Variants in OVOL1 observed in about 807,000 individuals in gnomAD.
The protein encoded by OVOL1 is putative transcription factor Ovo-like 1.
In OVOL1, 10 loss-of-function variants were observed where a neutral mutation model predicts 21.5. That is an observed-to-expected ratio of 0.46 (90% CI 0.29 to 0.79). The LOEUF (loss-of-function observed/expected upper bound fraction) is 0.79, where lower values mean the gene tolerates loss of function less well. Ranked by LOEUF, OVOL1 falls within the 30% of genes least tolerant of loss-of-function variation. OVOL1 has a pLI of 0.10. For synonymous variants in OVOL1, 129 were observed against 150.3 expected (o/e 0.86, Z 1.03); for missense variants, 279 against 362.3 (o/e 0.77, Z 1.87).
rs1275555782 is a variant in OVOL1, at chr11:65,787,336, T to TA, written c.-37dup. 2.0e-6 allele frequency: 3 copies of TA among 1,515,340 alleles called. No individual in the cohort carries two copies. The highest frequency in any genetic ancestry group is 2.7e-6 in the Non-Finnish European group (3 of 1,117,894). 93.9% of individuals were successfully genotyped at this position (1,515,340 alleles called of 1,614,324 possible). On this transcript the variant is annotated 5_prime_UTR_variant, in exon 1 of 4. Transcript: ENST00000335987. ...AGGTGGGACGGCTCCCGGCTTCAGTTACGGAAGCGGCCCGTGTCCAGCGAC... is the reference window on the plus strand; with the variant it reads ...AGGTGGGACGGCTCCCGGCTTCAGTTAACGGAAGCGGCCCGTGTCCAGCGAC...
intron 1 of OVOL1, chr11:65,788,510 A>G: frequency 1.0e-6 from 1 of 985,140 alleles, no homozygotes; most frequent in South Asian, 4.7e-5. Flanking sequence ...ACTGACTTTG[A>G]CCCTTGATCT....
chr11:65,794,762 G>A (rs760043484), intron 3 of OVOL1, 35 bp downstream of exon 3: 66 of 1,595,614 alleles, frequency 4.1e-5, no homozygotes, highest in African/African-American at 4.0e-4. Flanking sequence ...GGAGCACGCC[G>A]GATCCGCCTG....
chr11:65,793,915 C>A, intron 1 of OVOL1, 116 bp from the exon 2 acceptor site: 1 of 755,072 alleles, frequency 1.3e-6, no homozygotes. Context: ...TGCATGCCTG[C>A]GATGGGAGGG....
chr11:65,795,893 T>C lies in OVOL1; in HGVS notation c.*552T>C, dbSNP rs1858122832. On this transcript the variant is annotated 3_prime_UTR_variant, in exon 4 of 4. Coordinates refer to ENST00000335987, the MANE Select transcript of OVOL1 (RefSeq NM_004561.4). This position sits in a 1 kb window ranked among gnomAD's most constrained non-coding sequence, Gnocchi z 5.7. ...TCCTTCCGGCAAGGAGAGGCACACATGTGTGCCCAGCCGTGTGTGTGCGTG... is the reference window on the plus strand; with the variant it reads ...TCCTTCCGGCAAGGAGAGGCACACACGTGTGCCCAGCCGTGTGTGTGCGTG... 1.1e-5 allele frequency: 2 copies of C among 174,488 alleles called. No individual in the cohort carries two copies. Among genetic ancestry groups the C allele is most frequent in the Non-Finnish European group, 2.5e-5 (2 of 79,628 alleles). The allele number at this position is 174,488 out of a possible 1,614,324, so 10.8% of individuals were successfully genotyped here.
Position 65,795,487 on chromosome 11 carries a change from G to A in OVOL1, c.*146G>A, listed in dbSNP as rs1451505583. ...GCCCCCGTGCCTTGGTCTCCCCCCT[G>A]GGCACACGTGCTCACTCAGGCCCAG... On this transcript the variant is annotated 3_prime_UTR_variant, in exon 4 of 4. Coordinates refer to ENST00000335987, the MANE Select transcript of OVOL1 (RefSeq NM_004561.4). The surrounding 1 kb of genome is among the most constrained non-coding windows in gnomAD (Gnocchi z 5.7). 1.4e-6 allele frequency: 1 copy of A among 700,966 alleles called. No individual in the cohort carries two copies. Among genetic ancestry groups the A allele is most frequent in the African/African-American group, 1.8e-5 (1 of 56,258 alleles). 43.4% of individuals were successfully genotyped at this position (700,966 alleles called of 1,614,324 possible). A position where few individuals can be genotyped will look rare whatever the true frequency, so the allele number is the denominator to read the frequency against.
intron 1 of OVOL1, chr11:65,788,534 C>T (rs760773924): frequency 2.0e-6 from 2 of 985,398 alleles, no homozygotes; most frequent in Non-Finnish European, 2.4e-6. Flanking sequence ...GACTCCCTGG[C>T]ACCGCCCCAG....
At chr11:65,788,353 T>C (rs768401115) in intron 1 of OVOL1, 14 of 480,946 alleles carry the variant, frequency 2.9e-5, no homozygotes, top group Non-Finnish European at 3.5e-5. Flanking sequence ...ACCCCTTCTG[T>C]CCTCCCCCAC....
At chr11:65,789,271 G>C (rs894171326) in intron 1 of OVOL1, 1 of 192,484 alleles carries the variant, frequency 5.2e-6, no homozygotes, top group Non-Finnish European at 9.5e-6. Context: ...GGGGCTTCCT[G>C]TCAGGTGCAG....
chr11:65,794,455 G>A (rs1858086986), intron 2 of OVOL1, 83 bp from the exon 3 acceptor site: 3 of 1,365,812 alleles, frequency 2.2e-6, no homozygotes, highest in Admixed American at 1.8e-5. Flanking sequence ...GGACACTGGG[G>A]GCTGGCATCC....
rs1158405146 is a variant in OVOL1 at position 65,795,173 on chromosome 11, G to T, written c.636G>T (p.Leu212=). Residue 212 remains leucine, a synonymous_variant, in exon 4 of 4, where the codon CTG becomes CTT. Coordinates refer to ENST00000335987, the MANE Select transcript of OVOL1 (RefSeq NM_004561.4). This position sits in a 1 kb window ranked among gnomAD's most constrained non-coding sequence, Gnocchi z 5.7. ...KYAYKERRAK[L]YVCEECGCTS... ...CGTACAAGGAGCGGCGGGCCAAGCT[G>T]TACGTGTGTGAGGAGTGCGGCTGCA... The T allele has an allele frequency of 3.1e-6, 5 of 1,613,116 alleles. No individual in the cohort carries two copies. The Admixed American group carries it at 6.7e-5, about 22-fold the overall frequency.
rs913301215 is a variant in OVOL1, at chr11:65,796,523, C to T, written c.*1182C>T. On this transcript the variant is annotated 3_prime_UTR_variant, in exon 4 of 4. Transcript: ENST00000335987. ...TGAGTCAAAAGCCTTAGCACAGTGG[C>T]AAAAAATGGGACAGAATGATGACCA... The T allele has an allele frequency of 6.6e-6, 1 of 152,130 alleles. No individual in the cohort carries two copies. Among genetic ancestry groups the T allele is most frequent in the African/African-American group, 2.4e-5 (1 of 41,426 alleles). 9.4% of individuals were successfully genotyped at this position (152,130 alleles called of 1,614,324 possible). A position where few individuals can be genotyped will look rare whatever the true frequency, so the allele number is the denominator to read the frequency against.
chr11:65,795,481 C>A lies in OVOL1; in HGVS notation c.*140C>A. On this transcript the variant is annotated 3_prime_UTR_variant, in exon 4 of 4. Transcript: ENST00000335987. This position sits in a 1 kb window ranked among gnomAD's most constrained non-coding sequence, Gnocchi z 5.7. ...ACTGGAGCCCCCGTGCCTTGGTCTC[C>A]CCCCTGGGCACACGTGCTCACTCAG... The A allele has an allele frequency of 1.3e-6, 1 of 753,386 alleles. No individual in the cohort carries two copies. Among genetic ancestry groups the A allele is most frequent in the African/African-American group, 1.7e-5 (1 of 57,252 alleles). 46.7% of individuals were successfully genotyped at this position (753,386 alleles called of 1,614,324 possible). A position where few individuals can be genotyped will look rare whatever the true frequency, so the allele number is the denominator to read the frequency against.
Position 65,796,402 on chromosome 11 carries a change from G to A in OVOL1, c.*1061G>A, listed in dbSNP as rs1858133772. 1 of 152,332 alleles carries A rather than the reference G, an allele frequency of 6.6e-6. No homozygotes were observed. Among genetic ancestry groups the A allele is most frequent in the Non-Finnish European group, 1.5e-5 (1 of 68,168 alleles). The allele number at this position is 152,332 out of a possible 1,614,324, so 9.4% of individuals were successfully genotyped here. ...AGTGTGTCCTCCTGGGGCTTTAGGG[G>A]GCAGGAAGGTGGGACGAATGACGAT... is the stretch of plus-strand genomic sequence containing the variant. On this transcript the variant is annotated 3_prime_UTR_variant, in exon 4 of 4. Transcript: ENST00000335987.
At chr11:65,789,281 G>A (rs866363560) in intron 1 of OVOL1, 3 of 182,354 alleles carry the variant, frequency 1.6e-5, no homozygotes, top group Middle Eastern at 3.0e-3. Flanking sequence ...GTCAGGTGCA[G>A]GAGAGGGCCT....
chr11:65,788,735 C>T lies in OVOL1; in HGVS notation c.100+1262C>T. The T allele has an allele frequency of 4.1e-6, 4 of 985,474 alleles. No individual in the cohort carries two copies. The South Asian group carries it at 1.4e-4, about 35-fold the overall frequency. The allele number at this position is 985,474 out of a possible 1,614,324, so 61.0% of individuals were successfully genotyped here. On this transcript the variant is annotated intron_variant, in intron 1 of 3. Coordinates refer to ENST00000335987, the MANE Select transcript of OVOL1 (RefSeq NM_004561.4). ...GCTTAACCTGATCTCAAGGGGACCC[C>T]TCTTCCACCGTTCCTTAAAACAAGG...
At chr11:65,789,872 C>A in intron 1 of OVOL1, 1 of 168,136 alleles carries the variant, frequency 5.9e-6, no homozygotes, top group Non-Finnish European at 1.2e-5. Context: ...AGCACTGATT[C>A]CAGGGCCCCA....
chr11:65,793,676 C>T (rs1230392272), intron 1 of OVOL1: 1 of 347,876 alleles, frequency 2.9e-6, no homozygotes, highest in Non-Finnish European at 5.4e-6. Context: ...CCACTGGTGC[C>T]CTTTGTCCCT....
At chr11:65,788,973 C>A in intron 1 of OVOL1, 1 of 985,796 alleles carries the variant, frequency 1.0e-6, no homozygotes, top group Non-Finnish European at 1.2e-6. Context: ...GCTCCGCCCT[C>A]CGCCCTCCAC....
At chr11:65,792,892 C>T (rs1858050499) in intron 1 of OVOL1, among the ~76,000 whole-genome samples, 1 of 152,238 alleles carries the variant, frequency 6.6e-6, no homozygotes, top group South Asian at 2.1e-4. Context: ...GCCCTCCTGC[C>T]CAGGCCCAAG....
Sources: allele counts gnomAD v4.1 joint callset (sites outside exome capture counted in the v4.1 genomes callset), GRCh38; gene constraint gnomAD v4.1.1; non-coding constraint Gnocchi (gnomAD v3.1); transcripts MANE v1.5; gene names NCBI Gene and HGNC (gene_info 2026-07-23, HGNC 2026-07-21).